ODAD2: variants seen among roughly 807,000 people sequenced by gnomAD.
The protein encoded by ODAD2 is outer dynein arm docking complex subunit 2.
ODAD2 carries 89 observed loss-of-function variants against 106.8 expected under a neutral mutation model. That is an observed-to-expected ratio of 0.83 (90% CI 0.70 to 0.99). The LOEUF is 0.99. ODAD2 is among the 50% of genes least tolerant of loss of function. The probability of loss-of-function intolerance (pLI) is 0.00; values close to 1 mark genes in which losing one functional copy is unlikely to be tolerated. For synonymous variants in ODAD2, 404 were observed against 436.2 expected (o/e 0.93, Z 0.92); for missense variants, 1,168 against 1,238.5 (o/e 0.94, Z 0.85).
intron 2 of ODAD2, among the ~76,000 whole-genome samples, chr10:27,992,816 G>A (rs1850308537): frequency 6.6e-6 from 1 of 152,220 alleles, no homozygotes; most frequent in Non-Finnish European, 1.5e-5. Context: ...CTAACTAGGG[G>A]TCAGATGTGA....
chr10:27,909,098 G>C (rs1368965848), intron 16 of ODAD2, among the ~76,000 whole-genome samples: 1 of 152,086 alleles, frequency 6.6e-6, no homozygotes, highest in Non-Finnish European at 1.5e-5. Context: ...AAGTCATACT[G>C]CCTTCCATAT....
chr10:27,879,634 T>C (rs1312402868), intron 17 of ODAD2, among the ~76,000 whole-genome samples: 2 of 152,088 alleles, frequency 1.3e-5, no homozygotes, highest in East Asian at 3.9e-4. Context: ...ATATGATGTA[T>C]TATACTCCAA....
chr10:27,938,681 C>T (rs1349926793), intron 14 of ODAD2, among the ~76,000 whole-genome samples: 1 of 151,712 alleles, frequency 6.6e-6, no homozygotes, highest in Non-Finnish European at 1.5e-5. Flanking sequence ...CTCACTGCAA[C>T]CTCCACCTCC....
intron 17 of ODAD2, among the ~76,000 whole-genome samples, chr10:27,887,938 A>G (rs1233954679): frequency 6.6e-6 from 1 of 152,146 alleles, no homozygotes; most frequent in Non-Finnish European, 1.5e-5. Context: ...GATAACCTAG[A>G]TGAAATAGAC....
intron 16 of ODAD2, among the ~76,000 whole-genome samples, chr10:27,916,400 C>T (rs1243131414): frequency 6.6e-6 from 1 of 152,114 alleles, no homozygotes; most frequent in African/African-American, 2.4e-5. Context: ...TGGTTACATA[C>T]AGGGAAATTG....
intron 11 of ODAD2, among the ~76,000 whole-genome samples, 179 bp downstream of exon 11, chr10:27,944,637 A>T (rs1846742824): frequency 6.6e-6 from 1 of 152,176 alleles, no homozygotes; most frequent in Non-Finnish European, 1.5e-5. Context: ...GAGAAGAGCA[A>T]AAAAAGAAGA....
rs142732089 is a variant in ODAD2, at chr10:27,912,455, C to T, written c.2496-4678G>A. Among the ~76,000 whole-genome samples the T allele has an allele frequency of 1.6e-3, 242 of 152,196 alleles. 1 individual carries two copies. The highest frequency in any genetic ancestry group is 5.5e-3 in the African/African-American group (228 of 41,542). ...AGATGCAGCTGTTTGCTACGTTTCT[C>T]AGGCTCTTGTTATGTTAACATTTTC... On this transcript the variant is annotated intron_variant, in intron 16 of 19. Coordinates refer to ENST00000305242, the MANE Select transcript of ODAD2 (RefSeq NM_018076.5).
rs953917854 is a variant in ODAD2 at position 27,987,898 on chromosome 10, C to T, written c.225-355G>A. ...TTAAAAATCATTGGTTCTGCAAAAC[C>T]CTTCATGCTTTGGGGAGTTCTAATG... On this transcript the variant is annotated intron_variant, in intron 2 of 19. Transcript: ENST00000305242. Among the ~76,000 whole-genome samples the T allele has an allele frequency of 4.0e-5, 6 of 150,528 alleles. No individual in the cohort carries two copies. The East Asian group carries it at 9.7e-4, about 24-fold the overall frequency.
rs373572317 is a variant in ODAD2 at position 27,915,246 on chromosome 10, C to T, written c.2496-7469G>A. The stretch of plus-strand genomic sequence containing the variant: ...ATGCATACGTCTTAGTCCCTTCAGG[C>T]TGCAATAACAGAATGCCATATGCTG... On this transcript the variant is annotated intron_variant, in intron 16 of 19. Transcript: ENST00000305242. Among the ~76,000 whole-genome samples the T allele has an allele frequency of 2.0e-5, 3 of 152,178 alleles. No individual in the cohort carries two copies. In the East Asian group the frequency reaches 5.8e-4, roughly 29 times the overall value.
intron 19 of ODAD2, among the ~76,000 whole-genome samples, chr10:27,856,338 G>A (rs1037291347): frequency 2.0e-5 from 3 of 152,200 alleles, no homozygotes. Flanking sequence ...CAACATAAGT[G>A]GATCAGGAAA....
chr10:27,874,893 T>C (rs1001353570), intron 17 of ODAD2, among the ~76,000 whole-genome samples: 1 of 152,180 alleles, frequency 6.6e-6, no homozygotes, highest in Non-Finnish European at 1.5e-5. Context: ...TGAATTTGAA[T>C]GTTGGCCTGC....
rs188382696 is a variant in ODAD2 at position 27,935,655 on chromosome 10, G to C, written c.2253-403C>G. Among the ~76,000 whole-genome samples, 497 of 150,712 alleles carry C rather than the reference G, an allele frequency of 3.3e-3. 1 individual carries two copies. Among genetic ancestry groups the C allele is most frequent in the African/African-American group, 0.012 (483 of 41,042 alleles). On this transcript the variant is annotated intron_variant, in intron 15 of 19. Transcript: ENST00000305242. ...AAACATGGCTCTATTGTACCTATTT[G>C]GGTTTAATAGGTCTCTTGAAATGAG...
chr10:27,979,231 C>CAAAAAA (rs1313032503), intron 7 of ODAD2, among the ~76,000 whole-genome samples: 1 of 41,902 alleles, frequency 2.4e-5, no homozygotes. Context: ...GACTCCATCT[C>CAAAAAA]AAAAAAAAAA....
At chr10:27,986,550 G>A (rs1004000574) in intron 3 of ODAD2, among the ~76,000 whole-genome samples, 19 of 152,032 alleles carry the variant, frequency 1.2e-4, no homozygotes, top group African/African-American at 4.6e-4. Flanking sequence ...ATAAAAAGAG[G>A]TTGCCATCCT....
intron 19 of ODAD2, among the ~76,000 whole-genome samples, chr10:27,816,315 A>G (rs190561210): frequency 6.6e-6 from 1 of 152,340 alleles, no homozygotes; most frequent in Non-Finnish European, 1.5e-5. Context: ...GACAGGATCA[A>G]TCTTCTGAGA....
At chr10:27,969,998 C>T (rs555891359) in intron 8 of ODAD2, among the ~76,000 whole-genome samples, 17 of 151,868 alleles carry the variant, frequency 1.1e-4, no homozygotes, top group Non-Finnish European at 2.2e-4. Flanking sequence ...CCCAGCTACT[C>T]GGGAGGCTGA....
intron 16 of ODAD2, among the ~76,000 whole-genome samples, chr10:27,912,407 A>T (rs977593721): frequency 2.0e-5 from 3 of 151,446 alleles, no homozygotes; most frequent in Non-Finnish European, 4.4e-5. Context: ...TTGGTTATTT[A>T]AAAAAAAATA....
rs188887628 is a variant in ODAD2 at position 27,944,843 on chromosome 10, C to A, written c.1506G>T (p.Leu502Phe). 1 of 1,614,116 alleles carries A rather than the reference C, an allele frequency of 6.2e-7. No individual in the cohort carries two copies. The highest frequency in any genetic ancestry group is 8.5e-7 in the Non-Finnish European group (1 of 1,180,002). Residue 502 changes from leucine to phenylalanine, a missense_variant, in exon 11 of 20, where the codon TTG becomes TTT. By Grantham distance (22) the Leu-to-Phe change is conservative. Around this residue, in one of 3 missense-constraint regions of ODAD2, gnomAD observed 701 missense variants for 712.3 expected, o/e 0.98. Coordinates refer to ENST00000305242, the MANE Select transcript of ODAD2 (RefSeq NM_018076.5). ...DVGGLEVLIN[L>F]LETDEVKCKI... Reference sequence around the variant, plus strand: ...TACATTTGACTTCATCGGTTTCAAGCAAATTTATCAGCACTTCCAGGCCTC... The same window carrying A: ...TACATTTGACTTCATCGGTTTCAAGAAAATTTATCAGCACTTCCAGGCCTC...
At chr10:27,884,415 T>A (rs528145488) in intron 17 of ODAD2, among the ~76,000 whole-genome samples, 1 of 152,260 alleles carries the variant, frequency 6.6e-6, no homozygotes, top group Admixed American at 6.5e-5. Flanking sequence ...CCTGGCACTT[T>A]TATTTGCACT....
Sources: allele counts gnomAD v4.1 joint callset (sites outside exome capture counted in the v4.1 genomes callset), GRCh38; gene constraint gnomAD v4.1.1; regional missense constraint gnomAD v4.1.1; transcripts MANE v1.5; gene names NCBI Gene and HGNC (gene_info 2026-07-23, HGNC 2026-07-21).